Variants in CENPU observed in about 807,000 individuals in gnomAD.
CENPU encodes the protein centromere protein U.
CENPU carries 46 observed loss-of-function variants against 56.7 expected under a neutral mutation model. The ratio of observed to expected loss-of-function variants is 0.81; its 90% confidence interval spans 0.64 to 1.04. The LOEUF is 1.04. Among genes scored for constraint, CENPU ranks in the 50% least tolerant of loss-of-function variants. The pLI is 0.00. For missense variants in CENPU, 510 were observed against 490.1 expected (o/e 1.04, Z -0.38); for synonymous variants, 166 against 163.0 (o/e 1.02, Z -0.14).
At chr4:184,727,135 T>A (rs1761485591) in intron 3 of CENPU, among the ~76,000 whole-genome samples, 4 of 131,188 alleles carry the variant, frequency 3.0e-5, no homozygotes, top group African/African-American at 6.1e-5. Context: ...AAAAAAAAAA[T>A]TTCTGACTCA....
intron 4 of CENPU, among the ~76,000 whole-genome samples, chr4:184,719,915 A>G (rs1031062427): frequency 4.6e-5 from 7 of 152,184 alleles, no homozygotes; most frequent in Non-Finnish European, 8.8e-5. Flanking sequence ...GATGGATCCA[A>G]ACAAGCCCAG....
intron 11 of CENPU, among the ~76,000 whole-genome samples, chr4:184,698,983 C>T (rs1354707385): frequency 2.0e-5 from 3 of 152,148 alleles, no homozygotes; most frequent in East Asian, 1.9e-4. Context: ...TCAAAATACA[C>T]TTCTCAATTT....
intron 7 of CENPU, among the ~76,000 whole-genome samples, chr4:184,712,119 C>CAAA (rs10650384): frequency 6.2e-5 from 5 of 80,688 alleles, no homozygotes; most frequent in Admixed American, 1.4e-4. Flanking sequence ...GACTCAGTCT[C>CAAA]AAAAAAAAAA....
intron 6 of CENPU, among the ~76,000 whole-genome samples, chr4:184,715,699 A>C (rs371644859): frequency 2.0e-4 from 31 of 152,326 alleles, no homozygotes; most frequent in African/African-American, 7.0e-4. Flanking sequence ...AATTCATCAA[A>C]GCACTTATAA....
At chr4:184,696,883 CTTTT>C (rs11356233) in intron 12 of CENPU, among the ~76,000 whole-genome samples, 1 of 142,880 alleles carries the variant, frequency 7.0e-6, no homozygotes. Flanking sequence ...TGTTCCTTAA[CTTTT>C]TTTTTTTTTT....
intron 8 of CENPU, among the ~76,000 whole-genome samples, chr4:184,708,537 G>A (rs938536141): frequency 1.7e-5 from 2 of 119,496 alleles, no homozygotes; most frequent in African/African-American, 5.3e-5. Context: ...GAATATCAAA[G>A]AAAAAAAATA....
intron 3 of CENPU, among the ~76,000 whole-genome samples, chr4:184,725,808 T>G (rs28442259): frequency 0.18 from 27,108 of 151,982 alleles, 2,721 homozygotes; most frequent in African/African-American, 0.26. Flanking sequence ...AGGAAGAAGA[T>G]AAAAGAGAAG....
chr4:184,702,537 G>T, intron 8 of CENPU, 96 bp from the exon 9 acceptor site: 1 of 733,132 alleles, frequency 1.4e-6, no homozygotes, highest in South Asian at 1.9e-5. Flanking sequence ...ATACAATTTG[G>T]CATATACCTT....
intron 1 of CENPU, 116 bp downstream of exon 1, chr4:184,733,896 CCACT>C: frequency 7.4e-7 from 1 of 1,358,352 alleles, no homozygotes; most frequent in Non-Finnish European, 1.0e-6. Flanking sequence ...GGGCGATTGG[CCACT>C]CGGGCGACCT....
intron 12 of CENPU, among the ~76,000 whole-genome samples, chr4:184,697,335 T>G (rs1036746153): frequency 3.9e-5 from 6 of 152,202 alleles, no homozygotes. Flanking sequence ...AAAACTGTAA[T>G]ACAGCAGAGT....
intron 6 of CENPU, among the ~76,000 whole-genome samples, chr4:184,714,360 C>CT (rs879896546): frequency 9.9e-5 from 15 of 152,186 alleles, no homozygotes; most frequent in Non-Finnish European, 2.9e-5. Flanking sequence ...AGGTAAAAGA[C>CT]TATAGAGCTG....
chr4:184,714,680 T>C (rs12502771), intron 6 of CENPU, among the ~76,000 whole-genome samples: 27,090 of 151,770 alleles, frequency 0.18, 2,713 homozygotes, highest in African/African-American at 0.26. Flanking sequence ...AAGAAGCCAA[T>C]AGAGAAAATA....
At chr4:184,733,967 G>C (rs1393477882) in intron 1 of CENPU, 49 bp downstream of exon 1, 1 of 1,610,334 alleles carries the variant, frequency 6.2e-7, no homozygotes, top group East Asian at 2.2e-5. Context: ...CGAGGAAGCA[G>C]TTCAAGCTGG....
At chr4:184,699,673 T>A in intron 11 of CENPU, 2 of 1,222,732 alleles carry the variant, frequency 1.6e-6, no homozygotes, top group African/African-American at 1.6e-5. Context: ...TCTCTCTTTT[T>A]TTTTTGAGAC....
At position 184,702,128 on chromosome 4, in the gene CENPU, T is replaced by A; in HGVS notation, c.885A>T (p.Glu295Asp). Residue 295 changes from glutamate (E) to aspartate (D), a missense_variant, in exon 10 of 13, where the codon GAA becomes GAT. Coordinates refer to ENST00000281453, the MANE Select transcript of CENPU (RefSeq NM_024629.4). ...TTTTCAGATTTGTCAACATCTGGCT[T>A]TCTTTAAGCTACACAAAACAAAAAA... ...VKEQFIKMLK[E>D]SQMLTNLKRK... The A allele has an allele frequency of 6.2e-7, 1 of 1,607,894 alleles. No homozygotes were observed. Among genetic ancestry groups the A allele is most frequent in the Non-Finnish European group, 8.5e-7 (1 of 1,175,428 alleles).
chr4:184,702,381 T>G lies in CENPU; in HGVS notation c.858A>C (p.Lys286Asn), dbSNP rs1383141592. Reference sequence around the variant, plus strand: ...AGCTTACCATTTTGATGAATTGTTCTTTAACATTAACATAAAATGTGGCGA... The same window carrying G: ...AGCTTACCATTTTGATGAATTGTTCGTTAACATTAACATAAAATGTGGCGA... ...AAIATFYVNV[K>N]EQFIKMLKES... Residue 286 changes from lysine (K) to asparagine (N), a missense_variant, in exon 9 of 13, where the codon AAA becomes AAC. Lys to Asn is a moderately conservative substitution (Grantham distance 94). Transcript: ENST00000281453. 1 of 1,612,330 alleles carries G rather than the reference T, an allele frequency of 6.2e-7. No homozygotes were observed. Among genetic ancestry groups the G allele is most frequent in the South Asian group, 1.1e-5 (1 of 90,504 alleles).
intron 11 of CENPU, 77 bp from the exon 12 acceptor site, chr4:184,697,880 C>T (rs972144357): frequency 7.7e-6 from 9 of 1,174,926 alleles, no homozygotes; most frequent in East Asian, 7.3e-5. Context: ...GTACGCTGAG[C>T]GAGTGTGAAG....
intron 3 of CENPU, among the ~76,000 whole-genome samples, chr4:184,727,833 G>A (rs1172347958): frequency 6.6e-6 from 1 of 152,196 alleles, no homozygotes. Context: ...CAGGAATGAG[G>A]TAGATACACG....
intron 1 of CENPU, 61 bp downstream of exon 1, chr4:184,733,955 G>A: frequency 9.3e-6 from 15 of 1,605,686 alleles, no homozygotes; most frequent in Non-Finnish European, 1.3e-5. Flanking sequence ...AACCACGGCA[G>A]GCGAGGAAGC....
Sources: gnomAD v4.1 joint callset for allele counts (sites outside exome capture counted in the v4.1 genomes callset) on GRCh38, gnomAD v4.1.1 for gene constraint, MANE v1.5 for transcripts, NCBI Gene and HGNC (gene_info 2026-07-23, HGNC 2026-07-21) for gene names.